The following ESR1 variants were observed in gnomAD, a reference collection of about 807,000 sequenced individuals.
The protein encoded by ESR1 is estrogen receptor.
A neutral mutation model predicts 52.7 loss-of-function variants in ESR1; 12 were observed. That is an observed-to-expected ratio of 0.23 (90% CI 0.15 to 0.37). The LOEUF (loss-of-function observed/expected upper bound fraction) is 0.37. ESR1 is among the 10% of genes least tolerant of loss of function. The probability of loss-of-function intolerance (pLI) is 1.00; values close to 1 mark genes in which losing one functional copy is unlikely to be tolerated. For synonymous variants in ESR1, 305 were observed against 316.8 expected, an observed-to-expected ratio of 0.96 and a Z score of 0.39; for missense variants, 584 against 779.7, an observed-to-expected ratio of 0.75 and a Z score of 2.99.
chr6:151,987,045 C>CT (rs2128699712), intron 4 of ESR1, among the ~76,000 whole-genome samples: 1 of 152,146 alleles, frequency 6.6e-6, no homozygotes, highest in Admixed American at 6.5e-5. Context: ...GATTCCTACT[C>CT]TGAGACCTTG....
chr6:151,923,512 CA>C (rs1258874943), intron 3 of ESR1, among the ~76,000 whole-genome samples: 5 of 151,926 alleles, frequency 3.3e-5, no homozygotes, highest in Non-Finnish European at 7.4e-5. Flanking sequence ...GAACTCCTGA[CA>C]ACCCCTGGTC....
At position 152,094,002 on chromosome 6, in the gene ESR1, T is replaced by C. The variant is rs570627441; in HGVS notation, c.1370-383T>C. On this transcript the variant is annotated intron_variant, in intron 6 of 7. Transcript: ENST00000206249. This position sits in a 1 kb window ranked among gnomAD's most constrained non-coding sequence, Gnocchi z 4.6. ...CTTTCTCTGCCTTTTTGTTTCTTGA[T>C]GTGAAAAGGAACAACAGTGGCTGCT... 1.3e-5 allele frequency among the ~76,000 whole-genome samples: 2 copies of C among 152,302 alleles called. No individual in the cohort carries two copies. The highest frequency in any genetic ancestry group is 2.4e-5 in the African/African-American group (1 of 41,572).
chr6:151,719,010 G>T (rs886225653), intron 2 of ESR1, among the ~76,000 whole-genome samples: 1 of 152,102 alleles, frequency 6.6e-6, no homozygotes, highest in Non-Finnish European at 1.5e-5. Context: ...TCTTCCCTTC[G>T]TCACGTCCAT....
At chr6:152,092,671 T>G (rs146676301) in intron 6 of ESR1, among the ~76,000 whole-genome samples, 1 of 152,152 alleles carries the variant, frequency 6.6e-6, no homozygotes, top group Admixed American at 6.5e-5. Context: ...ACAAAAATAC[T>G]GTCATCTCCT....
intron 5 of ESR1, among the ~76,000 whole-genome samples, chr6:152,014,595 C>T (rs1415943668): frequency 6.6e-6 from 1 of 152,026 alleles, no homozygotes; most frequent in Non-Finnish European, 1.5e-5. Context: ...TTTAAGTTAC[C>T]CATGGATTCT....
At chr6:151,716,748 T>A (rs1781070320) in intron 2 of ESR1, among the ~76,000 whole-genome samples, 1 of 152,210 alleles carries the variant, frequency 6.6e-6, no homozygotes. Context: ...TTCAAGCTCA[T>A]GGATCTTAGC....
At chr6:151,927,746 C>CT (rs2032978500) in intron 3 of ESR1, among the ~76,000 whole-genome samples, 1 of 151,280 alleles carries the variant, frequency 6.6e-6, no homozygotes. Flanking sequence ...TTGCCAGAGT[C>CT]TAACTCTGCC....
chr6:151,834,156 T>C (rs2128219721), intron 1 of ESR1, among the ~76,000 whole-genome samples: 1 of 152,334 alleles, frequency 6.6e-6, no homozygotes, highest in South Asian at 2.1e-4. Context: ...CTCAAGGATC[T>C]AGAACCAGAA....
intron 2 of ESR1, among the ~76,000 whole-genome samples, chr6:151,742,472 C>T (rs1783173811): frequency 6.6e-6 from 1 of 152,064 alleles, no homozygotes; most frequent in Non-Finnish European, 1.5e-5. Flanking sequence ...ATATTGTTTC[C>T]CTTACATGTG....
intron 4 of ESR1, among the ~76,000 whole-genome samples, chr6:152,000,806 C>T (rs183953401): frequency 9.9e-5 from 15 of 151,882 alleles, no homozygotes; most frequent in African/African-American, 2.7e-4. Context: ...TTTTTAGTAA[C>T]CCCAATCCAA....
At chr6:151,925,124 T>TTTTTTTTTGTTTG (rs1554285729) in intron 3 of ESR1, among the ~76,000 whole-genome samples, 5 of 150,586 alleles carry the variant, frequency 3.3e-5, no homozygotes, top group Admixed American at 1.3e-4. Context: ...CAGCATCTGG[T>TTTTTTTTTGTTTG]TTTTTTTGTT....
At chr6:152,011,183 G>T (rs1190407720) in intron 4 of ESR1, among the ~76,000 whole-genome samples, 2 of 152,078 alleles carry the variant, frequency 1.3e-5, no homozygotes, top group African/African-American at 4.8e-5. Flanking sequence ...AAAAAAGAGT[G>T]TGATTTAGGG....
chr6:152,008,519 C>A (rs947891000), intron 4 of ESR1, among the ~76,000 whole-genome samples: 3 of 152,014 alleles, frequency 2.0e-5, no homozygotes, highest in African/African-American at 7.2e-5. Context: ...AACTGTCAGA[C>A]CTAAATAATA....
intron 2 of ESR1, among the ~76,000 whole-genome samples, chr6:151,862,170 A>G (rs552717202): frequency 2.0e-5 from 3 of 152,322 alleles, no homozygotes; most frequent in Admixed American, 6.5e-5. Context: ...CAGCATTGTA[A>G]TTAATCTCAC....
chr6:151,936,562 G>A (rs2034382406), intron 3 of ESR1, among the ~76,000 whole-genome samples: 1 of 152,198 alleles, frequency 6.6e-6, no homozygotes, highest in Non-Finnish European at 1.5e-5. Context: ...TTGTTAAACA[G>A]ATGACCAAAA....
chr6:151,986,135 A>T (rs1334293944), intron 4 of ESR1, among the ~76,000 whole-genome samples: 4 of 152,040 alleles, frequency 2.6e-5, no homozygotes. Flanking sequence ...CGTGATATGG[A>T]AGGGATGTGA....
chr6:151,927,468 G>C (rs2032934170), intron 3 of ESR1, among the ~76,000 whole-genome samples: 1 of 152,114 alleles, frequency 6.6e-6, no homozygotes, highest in Non-Finnish European at 1.5e-5. Context: ...ACCTGAGCCA[G>C]ATGATTTCTT....
At chr6:151,674,406 C>T (rs964715160) in intron 1 of ESR1, among the ~76,000 whole-genome samples, 1 of 152,120 alleles carries the variant, frequency 6.6e-6, no homozygotes, top group Admixed American at 6.5e-5. Context: ...GTATATGTGC[C>T]ACATTTCCTT....
chr6:151,814,786 T>C (rs1779360131), intron 1 of ESR1, among the ~76,000 whole-genome samples: 1 of 152,232 alleles, frequency 6.6e-6, no homozygotes, highest in Admixed American at 6.5e-5. Flanking sequence ...TGGTTTTGTT[T>C]TCCCAGCAGT....
Sources: gnomAD v4.1 joint callset for allele counts (sites outside exome capture counted in the v4.1 genomes callset) on GRCh38, gnomAD v4.1.1 for gene constraint, Gnocchi (gnomAD v3.1) non-coding constraint, MANE v1.5 for transcripts, NCBI Gene and HGNC (gene_info 2026-07-23, HGNC 2026-07-21) for gene names.